CLEC12A: variants seen among roughly 807,000 people sequenced by gnomAD.
The protein encoded by CLEC12A is C-type lectin protein CLL-1.
A neutral mutation model predicts 26.5 loss-of-function variants in CLEC12A; 22 were observed. The ratio of observed to expected loss-of-function variants is 0.83; its 90% CI spans 0.59 to 1.19. The LOEUF (loss-of-function observed/expected upper bound fraction) is 1.19, where lower values mean the gene tolerates loss of function less well. CLEC12A is among the 50% of genes most tolerant of loss of function. The probability of loss-of-function intolerance (pLI) is 0.00; values close to 1 mark genes in which losing one functional copy is unlikely to be tolerated. For synonymous variants in CLEC12A, 119 were observed against 101.9 expected (o/e 1.17, Z -1.01); for missense variants, 353 against 315.6 (o/e 1.12, Z -0.90).
chr12:9,996,652 C>CT (rs1383863760), downstream of CLEC12A: 1 of 699,414 alleles, frequency 1.4e-6, no homozygotes, highest in Admixed American at 2.0e-5. Flanking sequence ...CTGATCAACT[C>CT]TATCAGTGTT....
At chr12:9,960,415 T>G (rs1466023115) in intron 1 of CLEC12A, among the ~76,000 whole-genome samples, 2 of 152,224 alleles carry the variant, frequency 1.3e-5, no homozygotes, top group East Asian at 3.8e-4. Flanking sequence ...TCTCTGGTAT[T>G]TTAAAATTGG....
At chr12:9,999,012 A>C, downstream of CLEC12A, 6 of 1,372,546 alleles carry the variant, frequency 4.4e-6, no homozygotes, top group Non-Finnish European at 5.1e-6. Flanking sequence ...TTAATTTCCA[A>C]ATTATTGGCT....
downstream of CLEC12A, among the ~76,000 whole-genome samples, chr12:9,990,390 A>T (rs886827752): frequency 6.6e-6 from 1 of 152,186 alleles, no homozygotes; most frequent in African/African-American, 2.4e-5. Context: ...GAAGAAGTTG[A>T]ATCAAACCCT....
At chr12:9,992,145 C>T (rs1299562124) in intron 4 of CLEC12A, 1 of 152,084 alleles carries the variant, frequency 6.6e-6, no homozygotes, top group African/African-American at 2.4e-5. Flanking sequence ...GGGTGCCTTT[C>T]CACATATTCT....
downstream of CLEC12A, chr12:9,986,079 T>C: frequency 2.2e-6 from 1 of 453,098 alleles, no homozygotes; most frequent in Non-Finnish European, 4.4e-6. Flanking sequence ...CTCAGTGAAA[T>C]ACAGATCCCG....
In CLEC12A at chr12:9,979,319, A is replaced by G. The variant is rs770078888; in HGVS notation, c.191-17A>G. The G allele has an allele frequency of 6.5e-7, 1 of 1,543,642 alleles. No individual in the cohort carries two copies. The highest frequency in any genetic ancestry group is 8.8e-7 in the Non-Finnish European group (1 of 1,136,332). ...TATTGAGAATTTACAATTTTTTGTC[A>G]TTTTTTTAATGTGGAGTTCACGTAA... On this transcript the variant is annotated splice_polypyrimidine_tract_variant and intron_variant, in intron 2 of 5. Coordinates refer to ENST00000304361, the MANE Select transcript of CLEC12A (RefSeq NM_138337.6).
intron 1 of CLEC12A, among the ~76,000 whole-genome samples, chr12:9,975,787 T>A (rs1864311051): frequency 1.3e-5 from 2 of 152,138 alleles, no homozygotes; most frequent in South Asian, 4.1e-4. Flanking sequence ...TCCCATCACA[T>A]GCCCAGAGGC....
Position 9,980,655 on chromosome 12 carries a change from C to G in CLEC12A, c.453C>G (p.Val151=). The G allele has an allele frequency of 6.2e-7, 1 of 1,613,830 alleles. No individual in the cohort carries two copies. The highest frequency in any genetic ancestry group is 8.5e-7 in the Non-Finnish European group (1 of 1,179,860). Residue 151 remains valine, a synonymous_variant, in exon 4 of 6, where the codon GTC becomes GTG. Coordinates refer to ENST00000304361, the MANE Select transcript of CLEC12A (RefSeq NM_138337.6). The part of the protein sequence containing the change: ...KDSCYFLSDD[V]QTWQESKMAC... Reference sequence around the variant, plus strand: ...GCTGTTATTTCCTAAGTGATGATGTCCAAACATGGCAGGAGAGTAAAATGG... The same window carrying G: ...GCTGTTATTTCCTAAGTGATGATGTGCAAACATGGCAGGAGAGTAAAATGG...
downstream of CLEC12A, among the ~76,000 whole-genome samples, chr12:9,986,426 T>C (rs113815287): frequency 0.012 from 960 of 81,018 alleles, 7 homozygotes; most frequent in East Asian, 0.037. Context: ...CCCCCCCCCC[T>C]TTTTTTCTAT....
downstream of CLEC12A, chr12:9,997,376 T>C (rs1004195867): frequency 4.5e-6 from 5 of 1,117,758 alleles, no homozygotes; most frequent in African/African-American, 7.9e-5. Context: ...ACTTTGCCAA[T>C]ATATGAGGAG....
intron 4 of CLEC12A, chr12:9,992,770 G>T: frequency 6.1e-6 from 1 of 164,304 alleles, no homozygotes; most frequent in Non-Finnish European, 1.3e-5. Context: ...ATTTTGGACA[G>T]ATTTCAAACA....
chr12:9,965,086 G>A (rs1448003404), intron 1 of CLEC12A, among the ~76,000 whole-genome samples: 1 of 152,172 alleles, frequency 6.6e-6, no homozygotes, highest in East Asian at 1.9e-4. Flanking sequence ...TATGAGAACC[G>A]TAGAGAATGA....
the CLEC12A span, among the ~76,000 whole-genome samples, chr12:10,005,053 G>A: frequency 6.6e-6 from 1 of 151,996 alleles, no homozygotes; most frequent in Admixed American, 6.6e-5. Flanking sequence ...AGAATGTTAA[G>A]TATATCTACT....
At chr12:10,003,837 G>A in the CLEC12A span, among the ~76,000 whole-genome samples, 1 of 152,116 alleles carries the variant, frequency 6.6e-6, no homozygotes, top group Non-Finnish European at 1.5e-5. Context: ...GTTCACTTGA[G>A]CCCAGGAGGC....
intron 1 of CLEC12A, among the ~76,000 whole-genome samples, chr12:9,966,377 C>CT (rs1411736165): frequency 6.8e-6 from 1 of 146,442 alleles, no homozygotes; most frequent in Non-Finnish European, 1.5e-5. Context: ...GTCAGAGAGC[C>CT]TTGGGGCAGA....
At position 9,982,140 on chromosome 12, in the gene CLEC12A, A is replaced by G. The variant is rs368861117; in HGVS notation, c.641+11A>G. 1.1e-5 allele frequency: 16 copies of G among 1,411,940 alleles called. No individual in the cohort carries two copies. The highest frequency in any genetic ancestry group is 1.8e-4 in the Middle Eastern group (1 of 5,668). The allele number at this position is 1,411,940 out of a possible 1,614,324, so 87.5% of individuals were successfully genotyped here. A position where few individuals can be genotyped will look rare whatever the true frequency, so the allele number is the denominator to read the frequency against. On this transcript the variant is annotated intron_variant, in intron 5 of 5. Transcript: ENST00000304361. ...CAACTCCTCTGCCTGGTAAGTGTCT[A>G]TTCTTGTTAGAATTTTATAGCTGGG... is the stretch of plus-strand genomic sequence containing the variant.
intron 2 of CLEC12A, 84 bp from the exon 3 acceptor site, chr12:9,979,252 A>G: frequency 8.6e-7 from 1 of 1,163,666 alleles, no homozygotes; most frequent in South Asian, 1.4e-5. Flanking sequence ...CTACCCCTTT[A>G]ATCTTTATAC....
At position 9,979,443 on chromosome 12, in the gene CLEC12A, T is replaced by TC; in HGVS notation, c.300dup (p.Asn101GlnfsTer20). On this transcript the variant is annotated frameshift_variant, in exon 3 of 6. Transcript: ENST00000304361. LOFTEE classifies it high-confidence loss of function. ...ACAACTGATGAGTAACATGAATATC[T>TC]CCAACAAGATCAGGAACCTCTCCAC... 2 of 1,613,206 alleles carry TC rather than the reference T, an allele frequency of 1.2e-6. No homozygotes were observed. Among genetic ancestry groups the TC allele is most frequent in the Admixed American group, 1.7e-5 (1 of 59,928 alleles).
chr12:10,005,326 T>A, the CLEC12A span, among the ~76,000 whole-genome samples: 1 of 152,168 alleles, frequency 6.6e-6, no homozygotes, highest in Non-Finnish European at 1.5e-5. Context: ...AAAAGTGATA[T>A]AATCGAGTTC....
Sources: allele counts gnomAD v4.1 joint callset (sites outside exome capture counted in the v4.1 genomes callset), GRCh38; gene constraint gnomAD v4.1.1; transcripts MANE v1.5; gene names NCBI Gene and HGNC (gene_info 2026-07-23, HGNC 2026-07-21).